ROR1: variants seen among roughly 807,000 people sequenced by gnomAD.
ROR1 encodes inactive tyrosine-protein kinase transmembrane receptor ROR1.
ROR1 carries 19 observed loss-of-function variants against 78.8 expected under a neutral mutation model. That is an observed-to-expected ratio of 0.24 (90% CI 0.17 to 0.35). ROR1 has a LOEUF of 0.35. Among genes scored for constraint, ROR1 ranks in the 10% least tolerant of loss-of-function variants. ROR1 has a pLI of 1.00. For synonymous variants in ROR1, 386 were observed against 433.6 expected (o/e 0.89, Z 1.36); for missense variants, 917 against 1,177.8 (o/e 0.78, Z 3.24).
At chr1:64,099,921 G>T (rs1647454257) in intron 4 of ROR1, among the ~76,000 whole-genome samples, 2 of 152,128 alleles carry the variant, frequency 1.3e-5, no homozygotes, top group African/African-American at 4.8e-5. Flanking sequence ...TGGACGTGGT[G>T]GCGCGTGCCT....
At chr1:63,891,011 T>G (rs916037959) in intron 1 of ROR1, among the ~76,000 whole-genome samples, 1 of 152,192 alleles carries the variant, frequency 6.6e-6, no homozygotes, top group Non-Finnish European at 1.5e-5. Flanking sequence ...CTGCCTGGTG[T>G]TCATCATGAC....
At chr1:64,005,081 G>T (rs1646417163) in intron 1 of ROR1, among the ~76,000 whole-genome samples, 1 of 152,208 alleles carries the variant, frequency 6.6e-6, no homozygotes, top group South Asian at 2.1e-4. Flanking sequence ...GCTTGGATTA[G>T]TGAGGCATGT....
At chr1:64,161,128 C>T (rs1246936630) in intron 8 of ROR1, among the ~76,000 whole-genome samples, 1 of 152,054 alleles carries the variant, frequency 6.6e-6, no homozygotes, top group Non-Finnish European at 1.5e-5. Context: ...AAGAACAATA[C>T]CAGGAGCTTT....
chr1:64,095,859 C>T (rs949481868), intron 4 of ROR1, among the ~76,000 whole-genome samples: 8 of 151,870 alleles, frequency 5.3e-5, no homozygotes, highest in African/African-American at 1.7e-4. Flanking sequence ...AAAGAGAGAC[C>T]GTGGCCAAAG....
chr1:64,140,460 T>A, intron 6 of ROR1, 34 bp downstream of exon 6: 1 of 1,592,612 alleles, frequency 6.3e-7, no homozygotes, highest in Non-Finnish European at 8.6e-7. Flanking sequence ...TGTGCTCTTC[T>A]AAGGGTCAGC....
intron 1 of ROR1, among the ~76,000 whole-genome samples, chr1:63,962,292 A>T (rs903768774): frequency 6.6e-6 from 1 of 152,218 alleles, no homozygotes; most frequent in Non-Finnish European, 1.5e-5. Context: ...TTTTAAAAAG[A>T]TTATAAGGTC....
chr1:63,887,320 G>A (rs955589145), intron 1 of ROR1, among the ~76,000 whole-genome samples: 1 of 152,120 alleles, frequency 6.6e-6, no homozygotes, highest in African/African-American at 2.4e-5. Flanking sequence ...AGGAGGGTGG[G>A]CTTGAAATTG....
At chr1:63,897,111 GT>G (rs947719355) in intron 1 of ROR1, among the ~76,000 whole-genome samples, 3 of 152,138 alleles carry the variant, frequency 2.0e-5, no homozygotes, top group African/African-American at 7.2e-5. Flanking sequence ...TTCACTATTG[GT>G]ACTGCCCTTT....
chr1:64,163,403 G>C (rs1650000622), intron 8 of ROR1, among the ~76,000 whole-genome samples: 1 of 151,870 alleles, frequency 6.6e-6, no homozygotes, highest in Admixed American at 6.6e-5. Context: ...AGGCAACAGA[G>C]TGAGACTCAT....
At chr1:63,993,225 C>T (rs990336729) in intron 1 of ROR1, among the ~76,000 whole-genome samples, 2 of 152,182 alleles carry the variant, frequency 1.3e-5, no homozygotes, top group South Asian at 2.1e-4. Flanking sequence ...CCCTCCTACT[C>T]GCTCTTATGA....
intron 8 of ROR1, among the ~76,000 whole-genome samples, chr1:64,165,219 C>T (rs1177287722): frequency 2.0e-5 from 3 of 152,174 alleles, no homozygotes; most frequent in Admixed American, 6.5e-5. Context: ...AGTGTATAAG[C>T]GTTCCTTTTT....
rs191443373 is a variant in ROR1, at chr1:63,838,174, G to A, written c.91+63666G>A. ...ATAATAGTAAGTATACTTGATAATA[G>A]TAATAAACAACTATGTTAGTGGTCT... On this transcript the variant is annotated intron_variant, in intron 1 of 8. Transcript: ENST00000371079. Among the ~76,000 whole-genome samples the A allele has an allele frequency of 2.5e-3, 377 of 152,162 alleles. 2 individuals carry two copies. Among genetic ancestry groups the A allele is most frequent in the African/African-American group, 8.7e-3 (362 of 41,526 alleles).
chr1:64,172,008 C>T (rs1650256652), intron 8 of ROR1, among the ~76,000 whole-genome samples: 1 of 152,152 alleles, frequency 6.6e-6, no homozygotes, highest in Non-Finnish European at 1.5e-5. Context: ...GTATAACTTC[C>T]CAAAGATGGA....
chr1:64,132,191 G>C (rs1482463169), intron 4 of ROR1, among the ~76,000 whole-genome samples: 2 of 152,118 alleles, frequency 1.3e-5, no homozygotes, highest in African/African-American at 4.8e-5. Flanking sequence ...CACTTAGCAT[G>C]TTTTTGAGGC....
intron 1 of ROR1, among the ~76,000 whole-genome samples, chr1:63,995,860 T>C (rs1646333091): frequency 6.6e-6 from 1 of 152,196 alleles, no homozygotes; most frequent in Admixed American, 6.5e-5. Context: ...TGAGCCAAGG[T>C]GATCTCGGCA....
chr1:64,017,904 C>T (rs572761646), intron 2 of ROR1, among the ~76,000 whole-genome samples: 3 of 152,168 alleles, frequency 2.0e-5, no homozygotes, highest in Non-Finnish European at 4.4e-5. Flanking sequence ...TCCCTTGGTA[C>T]TATTTTCAGT....
chr1:63,963,566 C>T (rs1376358884), intron 1 of ROR1, among the ~76,000 whole-genome samples: 2 of 146,754 alleles, frequency 1.4e-5, no homozygotes, highest in Non-Finnish European at 3.0e-5. Flanking sequence ...AAGACTCTGT[C>T]TCAAAAAAAC....
At position 63,774,972 on chromosome 1, in the gene ROR1, C is replaced by T. The variant is rs186740364; in HGVS notation, c.91+464C>T. On this transcript the variant is annotated intron_variant, in intron 1 of 8. Transcript: ENST00000371079. This position sits in a 1 kb window ranked among gnomAD's most constrained non-coding sequence, Gnocchi z 5.7. ...ATTTTCAGTGGTGCTCGCCAGAGCC[C>T]AGGCGGCTCGCGGATCGACGCAAAC... Among the ~76,000 whole-genome samples, 27 of 152,192 alleles carry T rather than the reference C, an allele frequency of 1.8e-4. No individual in the cohort carries two copies. Among genetic ancestry groups the T allele is most frequent in the Admixed American group, 1.8e-3 (27 of 15,304 alleles).
At chr1:63,947,387 A>G (rs1457437293) in intron 1 of ROR1, among the ~76,000 whole-genome samples, 2 of 152,194 alleles carry the variant, frequency 1.3e-5, no homozygotes, top group Admixed American at 6.5e-5. Context: ...ACATAAAACA[A>G]TTCTTGAAAT....
Sources: gnomAD v4.1 joint callset for allele counts (sites outside exome capture counted in the v4.1 genomes callset) on GRCh38, gnomAD v4.1.1 for gene constraint, Gnocchi (gnomAD v3.1) non-coding constraint, MANE v1.5 for transcripts, NCBI Gene and HGNC (gene_info 2026-07-23, HGNC 2026-07-21) for gene names.